F13A1: variants seen among roughly 807,000 people sequenced by gnomAD.
F13A1 encodes the protein FSF, A subunit.
In F13A1, 47 loss-of-function variants were observed where a neutral mutation model predicts 80.1. That is an observed-to-expected ratio of 0.59 (90% CI 0.46 to 0.75). The LOEUF is 0.75. F13A1 is among the 30% of genes least tolerant of loss of function. F13A1 has a pLI of 0.00. For synonymous variants in F13A1, 349 were observed against 344.9 expected (o/e 1.01, Z -0.13); for missense variants, 817 against 930.4 (o/e 0.88, Z 1.59).
chr6:6,248,425 T>C lies in F13A1; in HGVS notation c.691-6A>G, dbSNP rs375759623. 79 of 1,611,900 alleles carry C rather than the reference T, an allele frequency of 4.9e-5. No individual in the cohort carries two copies. The African/African-American group carries it at 5.1e-4, about 10-fold the overall frequency. ...TCCAGGATGCCATCTTCAAACTATT[T>C]GGAGAAAGAAAAACAAAGAGAAACT... On this transcript the variant is annotated splice_region_variant and splice_polypyrimidine_tract_variant and intron_variant, in intron 5 of 14. Transcript: ENST00000264870.
At chr6:6,159,027 G>A (rs1017803191) in intron 13 of F13A1, among the ~76,000 whole-genome samples, 11 of 151,264 alleles carry the variant, frequency 7.3e-5, no homozygotes, top group Admixed American at 5.9e-4. Flanking sequence ...TCAGCCTCCC[G>A]AGTAGCAGGG....
At chr6:6,235,533 A>T (rs1379618550) in intron 6 of F13A1, among the ~76,000 whole-genome samples, 2 of 152,090 alleles carry the variant, frequency 1.3e-5, no homozygotes, top group African/African-American at 2.4e-5. Flanking sequence ...ACAACAAAAG[A>T]TGCTCAGTAT....
intron 3 of F13A1, among the ~76,000 whole-genome samples, chr6:6,294,477 A>G (rs112739647): frequency 0.055 from 8,437 of 152,046 alleles, 605 homozygotes; most frequent in African/African-American, 0.17. Flanking sequence ...GACCATATAA[A>G]TTAATACTTA....
intron 10 of F13A1, among the ~76,000 whole-genome samples, chr6:6,189,389 TC>T (rs1190632969): frequency 9.3e-6 from 1 of 107,274 alleles, no homozygotes; most frequent in Non-Finnish European, 2.0e-5. Context: ...GTTTAGCGCT[TC>T]CTTCAGGAGC....
rs1760594684 is a variant in F13A1, at chr6:6,162,586, G to A, written c.1908+4872C>T. ...TTCCAAGTCAGGAAGACCTGGGCCA[G>A]AAGTGTCTCTCCTTCCCTCAACAGG... On this transcript the variant is annotated intron_variant, in intron 13 of 14. Coordinates refer to ENST00000264870, the MANE Select transcript of F13A1 (RefSeq NM_000129.4). The surrounding 1 kb of genome is among the most constrained non-coding windows in gnomAD (Gnocchi z 4.2). 6.6e-6 allele frequency among the ~76,000 whole-genome samples: 1 copy of A among 152,194 alleles called. No individual in the cohort carries two copies. The highest frequency in any genetic ancestry group is 1.5e-5 in the Non-Finnish European group (1 of 68,034).
At chr6:6,273,134 C>G (rs1334317024) in intron 3 of F13A1, among the ~76,000 whole-genome samples, 2 of 152,190 alleles carry the variant, frequency 1.3e-5, no homozygotes, top group Admixed American at 1.3e-4. Context: ...CATCGAGACC[C>G]CTTTTCCTAT....
intron 14 of F13A1, among the ~76,000 whole-genome samples, chr6:6,150,202 T>C (rs1760349565): frequency 6.6e-6 from 1 of 152,148 alleles, no homozygotes; most frequent in Admixed American, 6.5e-5. Flanking sequence ...GGGGGCTGTA[T>C]GGAAGAGGAA....
chr6:6,309,968 C>T (rs947726375), intron 2 of F13A1, among the ~76,000 whole-genome samples: 14 of 152,118 alleles, frequency 9.2e-5, no homozygotes, highest in Admixed American at 5.2e-4. Flanking sequence ...AGGCTGGAGA[C>T]GGAGAAATAT....
rs1016579739 is a variant in F13A1, at chr6:6,250,101, T to G, written c.690+710A>C. 6.6e-6 allele frequency among the ~76,000 whole-genome samples: 1 copy of G among 152,104 alleles called. No individual in the cohort carries two copies. Among genetic ancestry groups the G allele is most frequent in the African/African-American group, 2.4e-5 (1 of 41,424 alleles). On this transcript the variant is annotated intron_variant, in intron 5 of 14. Transcript: ENST00000264870. The surrounding 1 kb of genome is among the most constrained non-coding windows in gnomAD (Gnocchi z 4.2). ...GCGCAATGATGCACAGTTCCAGCCA[T>G]CCCAGCCAAAACTCCTGAGAAATGA...
At chr6:6,246,040 G>A (rs1757551094) in intron 6 of F13A1, among the ~76,000 whole-genome samples, 1 of 152,242 alleles carries the variant, frequency 6.6e-6, no homozygotes, top group African/African-American at 2.4e-5. Flanking sequence ...CTGCAACAGG[G>A]TTCTGGCTAA....
At chr6:6,292,693 G>C (rs1758240426) in intron 3 of F13A1, among the ~76,000 whole-genome samples, 1 of 152,176 alleles carries the variant, frequency 6.6e-6, no homozygotes, top group Non-Finnish European at 1.5e-5. Flanking sequence ...TGTTTTATAG[G>C]GTTTGTGATG....
At chr6:6,237,905 G>A (rs1173334674) in intron 6 of F13A1, among the ~76,000 whole-genome samples, 1 of 152,204 alleles carries the variant, frequency 6.6e-6, no homozygotes, top group East Asian at 1.9e-4. Flanking sequence ...TTCTTTAATA[G>A]ATCAAGACAA....
At chr6:6,320,250 C>G (rs1758755667) in intron 1 of F13A1, among the ~76,000 whole-genome samples, 1 of 152,182 alleles carries the variant, frequency 6.6e-6, no homozygotes, top group African/African-American at 2.4e-5. Flanking sequence ...CCACTCCCTC[C>G]ACCTTTTGTG....
intron 13 of F13A1, among the ~76,000 whole-genome samples, chr6:6,158,677 G>A (rs1760520245): frequency 6.6e-6 from 1 of 152,184 alleles, no homozygotes; most frequent in African/African-American, 2.4e-5. Context: ...AGAGAGTGCA[G>A]GAGGCTGGAG....
intron 4 of F13A1, among the ~76,000 whole-genome samples, chr6:6,261,303 T>G (rs9766026): frequency 6.6e-6 from 1 of 152,046 alleles, no homozygotes; most frequent in African/African-American, 2.4e-5. Context: ...CTTATTGTCT[T>G]TCTTTCTTCT....
intron 14 of F13A1, among the ~76,000 whole-genome samples, chr6:6,147,740 C>T (rs776676625): frequency 1.8e-4 from 28 of 152,082 alleles, no homozygotes; most frequent in Non-Finnish European, 3.4e-4. Flanking sequence ...TAAAACCATC[C>T]GGCATAATGA....
intron 2 of F13A1, among the ~76,000 whole-genome samples, chr6:6,311,522 C>A (rs1189838825): frequency 8.4e-5 from 12 of 142,964 alleles, no homozygotes; most frequent in East Asian, 2.0e-4. Flanking sequence ...AAACCTAAGT[C>A]AAAAAAAAAA....
At chr6:6,185,402 A>C (rs548646355) in intron 10 of F13A1, among the ~76,000 whole-genome samples, 1 of 136,784 alleles carries the variant, frequency 7.3e-6, no homozygotes, top group Non-Finnish European at 1.6e-5. Flanking sequence ...TTGGTTCTTG[A>C]GATAGTTTAC....
chr6:6,154,978 C>A lies in F13A1; in HGVS notation c.1909-3029G>T, dbSNP rs1179360108. On this transcript the variant is annotated intron_variant, in intron 13 of 14. Coordinates refer to ENST00000264870, the MANE Select transcript of F13A1 (RefSeq NM_000129.4). ...ATGCTATATAAGGATGGGCATAAGCCCCTTCAAAAGTATATCTGATAGTAG... is the reference window on the plus strand; with the variant it reads ...ATGCTATATAAGGATGGGCATAAGCACCTTCAAAAGTATATCTGATAGTAG... Among the ~76,000 whole-genome samples, 5 of 152,118 alleles carry A rather than the reference C, an allele frequency of 3.3e-5. No individual in the cohort carries two copies. The East Asian group carries it at 9.6e-4, about 29-fold the overall frequency.
Sources: allele counts gnomAD v4.1 joint callset (sites outside exome capture counted in the v4.1 genomes callset), GRCh38; gene constraint gnomAD v4.1.1; non-coding constraint Gnocchi (gnomAD v3.1); transcripts MANE v1.5; gene names NCBI Gene and HGNC (gene_info 2026-07-23, HGNC 2026-07-21).